The following AP3S1 variants were observed in gnomAD, a reference collection of about 807,000 sequenced individuals.
AP3S1 encodes the protein adaptor related protein complex 3 subunit sigma 1.
AP3S1 carries 12 observed loss-of-function variants against 21.3 expected under a neutral mutation model. That is an observed-to-expected ratio of 0.56 (90% CI 0.36 to 0.91). The LOEUF (loss-of-function observed/expected upper bound fraction) is 0.91, where lower values mean the gene tolerates loss of function less well. Among genes scored for constraint, AP3S1 ranks in the 40% least tolerant of loss-of-function variants. The pLI is 0.01. For synonymous variants in AP3S1, 48 were observed against 78.4 expected, an observed-to-expected ratio of 0.61 and a Z score of 2.05; for missense variants, 116 against 225.0, an observed-to-expected ratio of 0.52 and a Z score of 3.10.
At chr5:115,849,253 A>G (rs907758154) in intron 1 of AP3S1, among the ~76,000 whole-genome samples, 1 of 152,230 alleles carries the variant, frequency 6.6e-6, no homozygotes, top group Non-Finnish European at 1.5e-5. Flanking sequence ...ATGAAACAGT[A>G]TAAGGGAATA....
rs755171274 is a variant in AP3S1, at chr5:115,845,836, CAAAAAAAAAAAAAAAAAAAAAAA to C, written c.69+3746_69+3768del. On this transcript the variant is annotated intron_variant, in intron 1 of 5. Transcript: ENST00000316788. ...TGGGTGACAGAGTGAGACTCCATCT[CAAAAAAAAAAAAAAAAAAAAAAA>C]AAAAAAAAAAAAAAATTCAAGTCTG... is the stretch of plus-strand genomic sequence containing the variant. 0.014 allele frequency among the ~76,000 whole-genome samples: 485 copies of C among 34,486 alleles called. 17 individuals carry two copies. The Middle Eastern group carries it at 0.17, about 12-fold the overall frequency. 22.6% of individuals were successfully genotyped at this position (34,486 alleles called of 152,430 possible).
chr5:115,886,559 A>G (rs188952721), intron 3 of AP3S1, among the ~76,000 whole-genome samples: 24 of 152,374 alleles, frequency 1.6e-4, no homozygotes, highest in Middle Eastern at 3.4e-3. Context: ...AGTATAGAAT[A>G]CATATAACAA....
At position 115,895,067 on chromosome 5, in the gene AP3S1, C is replaced by T; in HGVS notation, c.274-20C>T. 2.6e-6 allele frequency: 4 copies of T among 1,551,042 alleles called. No homozygotes were observed. The highest frequency in any genetic ancestry group is 2.6e-6 in the Non-Finnish European group (3 of 1,135,188). On this transcript the variant is annotated intron_variant, in intron 3 of 5. Transcript: ENST00000316788. ...GAATAAATTTAAACAGTTCTTAAAA[C>T]CTTTTTTCTTTTTCCATAGGTATTT...
At chr5:115,907,969 T>G (rs1175183464) in intron 5 of AP3S1, among the ~76,000 whole-genome samples, 2 of 152,146 alleles carry the variant, frequency 1.3e-5, no homozygotes, top group Admixed American at 1.3e-4. Context: ...ACTTACGAAG[T>G]TAGATTATGC....
chr5:115,895,927 G>T lies in AP3S1; in HGVS notation c.345+769G>T, dbSNP rs184666012. ...GCTGAAGGTGAGAGAAAGAATGACAGATTTCTGCCAGTATTAGTAGATATT... is the reference window on the plus strand; with the variant it reads ...GCTGAAGGTGAGAGAAAGAATGACATATTTCTGCCAGTATTAGTAGATATT... On this transcript the variant is annotated intron_variant, in intron 4 of 5. Transcript: ENST00000316788. Among the ~76,000 whole-genome samples, 559 of 152,306 alleles carry T rather than the reference G, an allele frequency of 3.7e-3. 1 individual carries two copies. The highest frequency in any genetic ancestry group is 5.7e-3 in the Non-Finnish European group (387 of 68,018).
intron 5 of AP3S1, chr5:115,909,006 A>C: frequency 1.0e-6 from 1 of 984,320 alleles, no homozygotes; most frequent in Non-Finnish European, 1.2e-6. Flanking sequence ...TGCATATAGC[A>C]ACTTCCAGCA....
intron 2 of AP3S1, among the ~76,000 whole-genome samples, chr5:115,868,951 AAGGGAGGGAGGGAGGG>A (rs56768905): frequency 1.6e-4 from 7 of 43,634 alleles, no homozygotes; most frequent in African/African-American, 2.0e-4. Flanking sequence ...GGAAGGAAGG[AAGGGAGGGAGGGAGGG>A]AGGGAGGGAG....
intron 1 of AP3S1, among the ~76,000 whole-genome samples, chr5:115,846,803 T>A (rs981714518): frequency 1.3e-5 from 2 of 152,152 alleles, no homozygotes. Context: ...TTCAGCTTTT[T>A]GTTAAGAAGA....
chr5:115,897,708 C>T (rs536411432), intron 4 of AP3S1, among the ~76,000 whole-genome samples: 13 of 151,976 alleles, frequency 8.6e-5, no homozygotes, highest in South Asian at 2.1e-4. Flanking sequence ...TACAGGCACC[C>T]GCCACCACGC....
At chr5:115,872,600 A>G (rs1748365826) in intron 3 of AP3S1, among the ~76,000 whole-genome samples, 1 of 152,142 alleles carries the variant, frequency 6.6e-6, no homozygotes, top group Non-Finnish European at 1.5e-5. Context: ...CTTGAGGTAA[A>G]GGTGCCCCAA....
chr5:115,875,657 C>A (rs1748649389), intron 3 of AP3S1, among the ~76,000 whole-genome samples: 1 of 152,172 alleles, frequency 6.6e-6, no homozygotes, highest in South Asian at 2.1e-4. Flanking sequence ...AAGAGGGATT[C>A]CTGGCCTAGC....
chr5:115,892,762 G>A (rs1325621211), intron 3 of AP3S1, among the ~76,000 whole-genome samples: 3 of 152,134 alleles, frequency 2.0e-5, no homozygotes, highest in African/African-American at 7.2e-5. Context: ...TCAATAGGGT[G>A]ATTATAGTCA....
intron 1 of AP3S1, among the ~76,000 whole-genome samples, chr5:115,854,162 A>G (rs1472601808): frequency 2.6e-5 from 4 of 152,198 alleles, no homozygotes; most frequent in Admixed American, 1.3e-4. Context: ...TCATTCATTC[A>G]TGAGAGCAGA....
At chr5:115,843,119 C>G (rs1761763072) in intron 1 of AP3S1, among the ~76,000 whole-genome samples, 1 of 152,144 alleles carries the variant, frequency 6.6e-6, no homozygotes, top group South Asian at 2.1e-4. Context: ...AATTCGCTAG[C>G]TGAAACACAT....
At chr5:115,873,638 T>C (rs1453648826) in intron 3 of AP3S1, among the ~76,000 whole-genome samples, 2 of 152,130 alleles carry the variant, frequency 1.3e-5, no homozygotes, top group Admixed American at 1.3e-4. Context: ...TCAGTCACTT[T>C]AAAAAACATC....
chr5:115,851,118 G>A (rs568339692), intron 1 of AP3S1, among the ~76,000 whole-genome samples: 30 of 152,290 alleles, frequency 2.0e-4, no homozygotes, highest in African/African-American at 6.3e-4. Flanking sequence ...AGAGAAGTAG[G>A]ATGTGATTGC....
chr5:115,864,479 G>T (rs555804905), intron 1 of AP3S1, among the ~76,000 whole-genome samples: 1 of 152,292 alleles, frequency 6.6e-6, no homozygotes, highest in Admixed American at 6.5e-5. Context: ...TTATGGAAAG[G>T]ATTTTCAACA....
intron 3 of AP3S1, among the ~76,000 whole-genome samples, chr5:115,889,003 A>C (rs1242401389): frequency 6.6e-6 from 1 of 152,184 alleles, no homozygotes; most frequent in Non-Finnish European, 1.5e-5. Flanking sequence ...ATTTGAAGGC[A>C]TGTATGTCTT....
chr5:115,906,776 G>T (rs1486869037), intron 5 of AP3S1: 2 of 1,392,482 alleles, frequency 1.4e-6, no homozygotes, highest in African/African-American at 1.5e-5. Flanking sequence ...TTTTTTTTCC[G>T]AACATCCTGA....
Sources: allele counts gnomAD v4.1 joint callset (sites outside exome capture counted in the v4.1 genomes callset), GRCh38; gene constraint gnomAD v4.1.1; transcripts MANE v1.5; gene names NCBI Gene and HGNC (gene_info 2026-07-23, HGNC 2026-07-21).